Variants in FANCD2 observed in about 807,000 individuals in gnomAD.
The protein encoded by FANCD2 is Fanconi anemia group D2 protein.
FANCD2 carries 131 observed loss-of-function variants against 192.3 expected under a neutral mutation model. The ratio of observed to expected loss-of-function variants is 0.68; its 90% CI spans 0.59 to 0.79. The LOEUF is 0.79. Ranked by LOEUF, FANCD2 falls within the 30% of genes least tolerant of loss-of-function variation. FANCD2 has a pLI of 0.00. For missense variants in FANCD2, 1,508 were observed against 1,701.6 expected, an observed-to-expected ratio of 0.89 and a Z score of 2.00; for synonymous variants, 524 against 612.5, an observed-to-expected ratio of 0.86 and a Z score of 2.13.
At chr3:10,071,428 T>G (rs1014607272) in intron 26 of FANCD2, among the ~76,000 whole-genome samples, 9 of 152,198 alleles carry the variant, frequency 5.9e-5, no homozygotes, top group Non-Finnish European at 1.2e-4. Context: ...TAGTCAAGAT[T>G]TGGAAGCAAC....
In FANCD2 at chr3:10,039,366, A is replaced by G; in HGVS notation, c.570+9A>G. The stretch of plus-strand genomic sequence containing the variant: ...GAGTTGTGGATGGCAAGGTAGGCTT[A>G]TGGACTTTATCTCTTGAATTTAAAG... On this transcript the variant is annotated intron_variant, in intron 8 of 43. Transcript: ENST00000675286. 1.2e-6 allele frequency: 2 copies of G among 1,603,816 alleles called. No homozygotes were observed. Among genetic ancestry groups the G allele is most frequent in the Non-Finnish European group, 8.5e-7 (1 of 1,170,794 alleles).
At chr3:10,085,394 CTTTT>C (rs1242296810) in intron 32 of FANCD2, among the ~76,000 whole-genome samples, 3 of 136,928 alleles carry the variant, frequency 2.2e-5, no homozygotes, top group Non-Finnish European at 1.6e-5. Flanking sequence ...TTTTTTCTTT[CTTTT>C]TTTTTTTTTT....
chr3:10,031,327 C>T (rs1212041667), intron 2 of FANCD2, among the ~76,000 whole-genome samples: 2 of 152,022 alleles, frequency 1.3e-5, no homozygotes, highest in Non-Finnish European at 1.5e-5. Flanking sequence ...CATGGTGAAA[C>T]CCCGTCTCTA....
chr3:10,073,981 T>C (rs563678852), intron 28 of FANCD2, among the ~76,000 whole-genome samples: 7 of 152,276 alleles, frequency 4.6e-5, no homozygotes, highest in African/African-American at 1.7e-4. Context: ...AGTCTCACTC[T>C]GTCACCCAGG....
intron 17 of FANCD2, among the ~76,000 whole-genome samples, chr3:10,050,674 G>T (rs1388669064): frequency 6.6e-6 from 1 of 150,950 alleles, no homozygotes; most frequent in Non-Finnish European, 1.5e-5. Context: ...TTTTGAGAAG[G>T]TTAAAGTTTA....
chr3:10,085,050 A>C (rs776438516), intron 32 of FANCD2, among the ~76,000 whole-genome samples: 2 of 152,214 alleles, frequency 1.3e-5, no homozygotes, highest in Non-Finnish European at 2.9e-5. Flanking sequence ...CAAAGATAGA[A>C]ATGTCAAGAC....
At chr3:10,086,193 G>A (rs1322871359) in intron 33 of FANCD2, among the ~76,000 whole-genome samples, 3 of 152,190 alleles carry the variant, frequency 2.0e-5, no homozygotes, top group East Asian at 1.9e-4. Flanking sequence ...TTGACCATCT[G>A]TAATCAACTC....
intron 22 of FANCD2, 139 bp from the exon 23 acceptor site, chr3:10,064,590 A>G (rs1274000668): frequency 1.2e-5 from 16 of 1,298,760 alleles, no homozygotes; most frequent in Non-Finnish European, 1.8e-5. Flanking sequence ...CTTAGCTCCA[A>G]AATTCCTAAA....
At chr3:10,064,914 T>G (rs560195195) in intron 23 of FANCD2, 39 bp downstream of exon 23, 1 of 1,608,232 alleles carries the variant, frequency 6.2e-7, no homozygotes, top group East Asian at 2.2e-5. Context: ...GTTAGTGTTT[T>G]GAATGTTCAT....
At chr3:10,075,122 T>G (rs746492664) in intron 29 of FANCD2, among the ~76,000 whole-genome samples, 2 of 152,182 alleles carry the variant, frequency 1.3e-5, no homozygotes, top group African/African-American at 2.4e-5. Context: ...TGCTTTCAAA[T>G]AACTTCTAAT....
intron 18 of FANCD2, among the ~76,000 whole-genome samples, chr3:10,054,161 AT>A (rs2087303354): frequency 1.3e-5 from 2 of 151,570 alleles, no homozygotes; most frequent in Admixed American, 1.3e-4. Context: ...ACAGTAAGCC[AT>A]GTTTGTGCCA....
chr3:10,054,787 C>T (rs1036619699), intron 18 of FANCD2, among the ~76,000 whole-genome samples: 4 of 151,276 alleles, frequency 2.6e-5, no homozygotes, highest in Non-Finnish European at 4.4e-5. Flanking sequence ...CCGGCCACAA[C>T]CATCATATTT....
chr3:10,078,928 G>A (rs919203861), intron 30 of FANCD2, among the ~76,000 whole-genome samples: 1 of 149,004 alleles, frequency 6.7e-6, no homozygotes, highest in Non-Finnish European at 1.5e-5. Context: ...CAGTCTGGGT[G>A]ACAGATTTCG....
intron 29 of FANCD2, among the ~76,000 whole-genome samples, chr3:10,077,720 T>G (rs1310779127): frequency 6.6e-6 from 1 of 152,038 alleles, no homozygotes; most frequent in Non-Finnish European, 1.5e-5. Flanking sequence ...AGACCCCGTC[T>G]GTATAAAAAA....
chr3:10,068,171 G>A (rs1274911479), intron 26 of FANCD2, among the ~76,000 whole-genome samples: 1 of 151,982 alleles, frequency 6.6e-6, no homozygotes, highest in African/African-American at 2.4e-5. Context: ...AGAAAGAAAG[G>A]GCATCCAAAT....
chr3:10,041,486 A>T, intron 9 of FANCD2, 137 bp from the exon 10 acceptor site: 1 of 652,226 alleles, frequency 1.5e-6, no homozygotes, highest in South Asian at 1.7e-5. Context: ...TTAAAGAAAC[A>T]TACTATAAAC....
intron 30 of FANCD2, among the ~76,000 whole-genome samples, chr3:10,078,520 A>G (rs1258957957): frequency 6.6e-6 from 1 of 151,862 alleles, no homozygotes; most frequent in Non-Finnish European, 1.5e-5. Context: ...ACGCCTGGCT[A>G]ATTTTTTGTA....
intron 18 of FANCD2, among the ~76,000 whole-genome samples, chr3:10,056,629 T>G (rs1159186500): frequency 1.3e-5 from 2 of 152,200 alleles, no homozygotes; most frequent in African/African-American, 4.8e-5. Context: ...AATCCTGTGC[T>G]TAAGCAGTCT....
At chr3:10,062,244 T>A in intron 20 of FANCD2, 33 bp downstream of exon 20, 1 of 1,575,248 alleles carries the variant, frequency 6.3e-7, no homozygotes, top group Non-Finnish European at 8.7e-7. Context: ...TTCTTTTTCC[T>A]GTCTTTTTTT....
Sources: allele counts gnomAD v4.1 joint callset (sites outside exome capture counted in the v4.1 genomes callset), GRCh38; gene constraint gnomAD v4.1.1; transcripts MANE v1.5; gene names NCBI Gene and HGNC (gene_info 2026-07-23, HGNC 2026-07-21).